The following IGFN1 variants were observed in gnomAD, a reference collection of about 807,000 sequenced individuals.
IGFN1 encodes the protein immunoglobulin like and fibronectin type III domain containing 1.
IGFN1 carries 253 observed loss-of-function variants against 289.5 expected under a neutral mutation model. The ratio of observed to expected loss-of-function variants is 0.87; its 90% CI spans 0.79 to 0.97. IGFN1 has a LOEUF of 0.97. IGFN1 is among the 50% of genes least tolerant of loss of function. The pLI is 0.00. For synonymous variants in IGFN1, 1,706 were observed against 1,788.5 expected (o/e 0.95, Z 1.16); for missense variants, 4,470 against 4,686.1 (o/e 0.95, Z 1.35).
chr1:201,226,286 G>A (rs549261745), intron 22 of IGFN1, among the ~76,000 whole-genome samples, 163 bp downstream of exon 22: 552 of 151,554 alleles, frequency 3.6e-3, no homozygotes, highest in Non-Finnish European at 6.0e-3. Flanking sequence ...TGCTCCTCCC[G>A]CTCCTGCCTC....
At chr1:201,220,074 CTTTCTCTTTTT>C (rs1653625359) in intron 18 of IGFN1, among the ~76,000 whole-genome samples, 1 of 132,336 alleles carries the variant, frequency 7.6e-6, no homozygotes, top group Admixed American at 7.9e-5. Context: ...TTTTTCCTTT[CTTTCTCTTTTT>C]CTTTCTTTCT....
At position 201,208,493 on chromosome 1, in the gene IGFN1, T is replaced by G. The variant is rs1667546293; in HGVS notation, c.3600T>G (p.Ser1200=). The change falls in exon 12 of 24, where the codon TCT becomes TCG. Residue 1200 remains serine, a synonymous_variant. Transcript: ENST00000335211. ...TCGCACCTCACAATGGGGCCGCTTCTGGGAGCCAGTGGGCTTATGGGGCTG... is the reference window on the plus strand; with the variant it reads ...TCGCACCTCACAATGGGGCCGCTTCGGGGAGCCAGTGGGCTTATGGGGCTG... ...ESLAPHNGAA[S]GSQWAYGAGN... 1 of 1,448,248 alleles carries G rather than the reference T, an allele frequency of 6.9e-7. No individual in the cohort carries two copies. Among genetic ancestry groups the G allele is most frequent in the Non-Finnish European group, 9.0e-7 (1 of 1,108,210 alleles). 89.7% of individuals were successfully genotyped at this position (1,448,248 alleles called of 1,614,324 possible). A position where few individuals can be genotyped will look rare whatever the true frequency, so the allele number is the denominator to read the frequency against.
At chr1:201,223,058 G>A (rs981290867) in intron 20 of IGFN1, 1 of 389,722 alleles carries the variant, frequency 2.6e-6, no homozygotes, top group Admixed American at 4.4e-5. Flanking sequence ...TTCTGCTCCA[G>A]GCCTGCAAAT....
At chr1:201,223,518 ATG>A (rs1653884054) in intron 20 of IGFN1, among the ~76,000 whole-genome samples, 1 of 151,886 alleles carries the variant, frequency 6.6e-6, no homozygotes, top group East Asian at 1.9e-4. Flanking sequence ...TTACAGGCGC[ATG>A]CCATCACGCC....
chr1:201,197,864 C>G (rs34693601), intron 5 of IGFN1, among the ~76,000 whole-genome samples: 37,592 of 152,156 alleles, frequency 0.25, 6,131 homozygotes, highest in Non-Finnish European at 0.37. Context: ...CTGCCTGCAA[C>G]TAACAGAAAA....
chr1:201,205,502 A>G (rs1237386801), intron 11 of IGFN1, 148 bp downstream of exon 11: 1 of 923,560 alleles, frequency 1.1e-6, no homozygotes, highest in Non-Finnish European at 1.6e-6. Context: ...TGCAGTGCAG[A>G]CCTTCATGGC....
At chr1:201,195,292 C>T (rs1666866159) in intron 3 of IGFN1, among the ~76,000 whole-genome samples, 1 of 152,254 alleles carries the variant, frequency 6.6e-6, no homozygotes, top group African/African-American at 2.4e-5. Context: ...GCTGGGATTA[C>T]AGGCACATGC....
chr1:201,226,898 G>A lies in IGFN1; in HGVS notation c.10803G>A (p.Lys3601=), dbSNP rs745582242. 6.3e-7 allele frequency: 1 copy of A among 1,592,568 alleles called. No individual in the cohort carries two copies. Among genetic ancestry groups the A allele is most frequent in the Non-Finnish European group, 8.6e-7 (1 of 1,167,770 alleles). Reference sequence around the variant, plus strand: ...TCACCACAGACAGGTTCACAGTGAAGGCTCCGTGCTACCGGGAGCCCGACC... The same window carrying A: ...TCACCACAGACAGGTTCACAGTGAAAGCTCCGTGCTACCGGGAGCCCGACC... The part of the protein sequence containing the change: ...IPRQRDRFTV[K]APCYREPDLS... Residue 3601 remains lysine, a synonymous_variant, in exon 23 of 24, where the codon AAG becomes AAA. Transcript: ENST00000335211.
chr1:201,211,126 A>G lies in IGFN1; in HGVS notation c.6233A>G (p.Lys2078Arg). ...TATAGGAAGGATTTAGGGGCTCCTA[A>G]GGGAATGGGTTCAGGGAGTAAGACA... The part of the protein sequence containing the change: ...AGYRKDLGAP[K>R]GMGSGSKTGF... The change falls in exon 12 of 24, where the codon AAG (lysine) becomes AGG (arginine). Residue 2078 changes from lysine to arginine, a missense_variant. Lys to Arg is a conservative substitution (Grantham distance 26). Transcript: ENST00000335211. 6.5e-7 allele frequency: 1 copy of G among 1,527,960 alleles called. No homozygotes were observed. The highest frequency in any genetic ancestry group is 8.8e-7 in the Non-Finnish European group (1 of 1,141,466). 94.7% of individuals were successfully genotyped at this position (1,527,960 alleles called of 1,614,324 possible).
intron 15 of IGFN1, 137 bp from the exon 16 acceptor site, chr1:201,216,317 C>T (rs1353893429): frequency 1.5e-6 from 1 of 679,648 alleles, no homozygotes; most frequent in African/African-American, 1.9e-5. Context: ...GACAGTCTGC[C>T]CCATTGCAGG....
chr1:201,207,164 T>C lies in IGFN1; in HGVS notation c.2271T>C (p.Asp757=). Residue 757 remains aspartate, a synonymous_variant, in exon 12 of 24, where the codon GAT becomes GAC. Coordinates refer to ENST00000335211, the MANE Select transcript of IGFN1 (RefSeq NM_001164586.2). ...IKAEDSLQEA[D]GICRGESVVT... is the part of the protein sequence containing the mutation. Reference sequence around the variant, plus strand: ...CTGAAGACTCACTGCAGGAGGCAGATGGTATATGCCGGGGGGAGTCTGTAG... The same window carrying C: ...CTGAAGACTCACTGCAGGAGGCAGACGGTATATGCCGGGGGGAGTCTGTAG... 1 of 1,536,864 alleles carries C rather than the reference T, an allele frequency of 6.5e-7. No homozygotes were observed.
intron 19 of IGFN1, 57 bp from the exon 20 acceptor site, chr1:201,222,682 G>C: frequency 7.7e-7 from 1 of 1,304,088 alleles, no homozygotes; most frequent in Non-Finnish European, 1.1e-6. Context: ...GGGGACCTGG[G>C]GCTGGGGTCC....
At chr1:201,216,306 G>T in intron 15 of IGFN1, 148 bp from the exon 16 acceptor site, 1 of 647,620 alleles carries the variant, frequency 1.5e-6, no homozygotes, top group Non-Finnish European at 2.6e-6. Context: ...AAGGCTCTCT[G>T]GACAGTCTGC....
chr1:201,199,933 CTTT>C (rs374455467), intron 7 of IGFN1, among the ~76,000 whole-genome samples: 1 of 145,054 alleles, frequency 6.9e-6, no homozygotes, highest in African/African-American at 2.5e-5. Flanking sequence ...CAATGATGTA[CTTT>C]TTTTTTTTAA....
Position 201,213,117 on chromosome 1 carries a change from G to C in IGFN1, c.8224G>C (p.Asp2742His), listed in dbSNP as rs1418431517. The part of the protein sequence containing the change: ...SGPQGAWNGL[D>H]GPFGRKASRD... ...ACCTCAGGGAGCCTGGAATGGCTTA[G>C]ATGGTCCCTTTGGCAGAAAAGCCTC... The change falls in exon 12 of 24, where the codon GAT (aspartate) becomes CAT (histidine). Residue 2742 changes from aspartate to histidine, a missense_variant. This residue lies in a region of IGFN1 where 2,218 missense variants were observed against 2,114.1 expected (regional missense o/e 1.05). Transcript: ENST00000335211. The C allele has an allele frequency of 2.6e-6, 4 of 1,551,554 alleles. No homozygotes were observed. Among genetic ancestry groups the C allele is most frequent in the Non-Finnish European group, 3.5e-6 (4 of 1,146,996 alleles).
At position 201,207,054 on chromosome 1, in the gene IGFN1, A is replaced by T; in HGVS notation, c.2161A>T (p.Ile721Leu). Residue 721 changes from isoleucine (I) to leucine (L), a missense_variant, in exon 12 of 24, where the codon ATA becomes TTA. Around this residue, in one of 8 missense-constraint regions of IGFN1, gnomAD observed 2,011 missense variants for 1,953.4 expected, o/e 1.03. Transcript: ENST00000335211. ...YWGSGELLEQ[I>L]PGGKDFQEPS... ...GGGGTCAGGAGAGTTGCTAGAACAG[A>T]TACCTGGAGGCAAGGACTTCCAGGA... The T allele has an allele frequency of 6.5e-7, 1 of 1,536,976 alleles. No homozygotes were observed. Among genetic ancestry groups the T allele is most frequent in the Non-Finnish European group, 8.7e-7 (1 of 1,146,862 alleles).
chr1:201,219,552 G>A (rs943415435), intron 18 of IGFN1, among the ~76,000 whole-genome samples: 1 of 152,176 alleles, frequency 6.6e-6, no homozygotes, highest in African/African-American at 2.4e-5. Flanking sequence ...TATTAAAAGC[G>A]TCACTCCAAG....
intron 23 of IGFN1, 120 bp downstream of exon 23, chr1:201,227,328 C>G: frequency 1.4e-6 from 1 of 701,426 alleles, no homozygotes; most frequent in Non-Finnish European, 2.3e-6. Flanking sequence ...GAGACCAGGA[C>G]TCTCTGCCTG....
intron 10 of IGFN1, among the ~76,000 whole-genome samples, 158 bp from the exon 11 acceptor site, chr1:201,204,924 T>C (rs1413389963): frequency 1.3e-5 from 2 of 152,184 alleles, no homozygotes; most frequent in Non-Finnish European, 2.9e-5. Context: ...TTGGGGGGAA[T>C]TGACACCTGA....
Sources: gnomAD v4.1 joint callset for allele counts (sites outside exome capture counted in the v4.1 genomes callset) on GRCh38, gnomAD v4.1.1 for gene constraint, gnomAD v4.1.1 regional missense constraint, MANE v1.5 for transcripts, NCBI Gene and HGNC (gene_info 2026-07-23, HGNC 2026-07-21) for gene names.